Variants in CSMD2 observed in about 807,000 individuals in gnomAD.
CSMD2 encodes the protein CUB and sushi domain-containing protein 2.
Under a neutral mutation model 398.5 loss-of-function variants are expected in CSMD2, and 130 were observed. The observed-to-expected ratio is 0.33, with a 90% CI of 0.28 to 0.38. The LOEUF (loss-of-function observed/expected upper bound fraction) is 0.38. Among genes scored for constraint, CSMD2 ranks in the 10% least tolerant of loss-of-function variants. The pLI is 1.00. For missense variants in CSMD2, 3,829 were observed against 4,764.9 expected, an observed-to-expected ratio of 0.80 and a Z score of 5.78; for synonymous variants, 1,828 against 1,908.5, an observed-to-expected ratio of 0.96 and a Z score of 1.10.
At chr1:34,151,811 C>T in intron 1 of CSMD2, among the ~76,000 whole-genome samples, 2 of 107,522 alleles carry the variant, frequency 1.9e-5, no homozygotes, top group Non-Finnish European at 3.6e-5. Flanking sequence ...CTCCCTCCCT[C>T]CCTCCCCCCC....
At chr1:33,560,164 A>G (rs1243272604) in intron 53 of CSMD2, among the ~76,000 whole-genome samples, 1 of 152,112 alleles carries the variant, frequency 6.6e-6, no homozygotes, top group Non-Finnish European at 1.5e-5. Context: ...GCTATCCCCA[A>G]CATTGCAGGG....
chr1:33,858,532 CT>C (rs1284362932), intron 5 of CSMD2, among the ~76,000 whole-genome samples: 2 of 152,200 alleles, frequency 1.3e-5, no homozygotes, highest in Non-Finnish European at 2.9e-5. Flanking sequence ...TCTTTTCACG[CT>C]TCCAGGCTTC....
At chr1:34,011,238 C>T (rs1647289330) in intron 3 of CSMD2, among the ~76,000 whole-genome samples, 1 of 152,188 alleles carries the variant, frequency 6.6e-6, no homozygotes, top group Non-Finnish European at 1.5e-5. Flanking sequence ...TTACTACATG[C>T]TTCCCTTCTT....
At chr1:33,674,890 A>G (rs1644647044) in intron 25 of CSMD2, among the ~76,000 whole-genome samples, 1 of 152,260 alleles carries the variant, frequency 6.6e-6, no homozygotes, top group Non-Finnish European at 1.5e-5. Flanking sequence ...GGCAGAAAAA[A>G]AGATGTTCTT....
At chr1:33,796,218 C>A (rs1654931377) in intron 10 of CSMD2, among the ~76,000 whole-genome samples, 1 of 152,220 alleles carries the variant, frequency 6.6e-6, no homozygotes, top group Admixed American at 6.5e-5. Context: ...TTTCATCACT[C>A]CAAGAGCTGA....
intron 5 of CSMD2, among the ~76,000 whole-genome samples, chr1:33,881,360 T>C (rs1641229183): frequency 6.6e-6 from 1 of 152,160 alleles, no homozygotes; most frequent in African/African-American, 2.4e-5. Context: ...AACTGTTCTG[T>C]AGGAGAAAGG....
At position 33,766,809 on chromosome 1, in the gene CSMD2, A is replaced by G. The variant is rs72879520; in HGVS notation, c.1846+5760T>C. ...CAAAGTTGTTATCTTTAGAAAAGTG[A>G]AAGTAGATAAACATGAAATAGAGGC... On this transcript the variant is annotated intron_variant, in intron 13 of 70. Transcript: ENST00000373381. Among the ~76,000 whole-genome samples, 416 of 152,384 alleles carry G rather than the reference A, an allele frequency of 2.7e-3. 1 individual carries two copies. Among genetic ancestry groups the G allele is most frequent in the African/African-American group, 9.2e-3 (384 of 41,598 alleles).
In CSMD2 at chr1:33,519,762, A is replaced by G; in HGVS notation, c.10736+50T>C. 1 of 1,612,230 alleles carries G rather than the reference A, an allele frequency of 6.2e-7. No individual in the cohort carries two copies. ...GTCTGGTGCGGGGGGCCCTGGAGGG[A>G]GAGAGGGAGGCCTGCCTGATGCCCG... On this transcript the variant is annotated intron_variant, in intron 69 of 70. Transcript: ENST00000373381. This position sits in a 1 kb window ranked among gnomAD's most constrained non-coding sequence, Gnocchi z 5.6.
At chr1:34,152,769 G>A (rs1327112290) in intron 1 of CSMD2, among the ~76,000 whole-genome samples, 2 of 152,154 alleles carry the variant, frequency 1.3e-5, no homozygotes, top group East Asian at 1.9e-4. Flanking sequence ...AGTATATAAT[G>A]TAGTGGCATT....
At chr1:33,583,579 C>T (rs754241684) in intron 47 of CSMD2, 63 bp downstream of exon 47, 23 of 1,516,388 alleles carry the variant, frequency 1.5e-5, no homozygotes, top group Non-Finnish European at 1.9e-5. Flanking sequence ...ACAGACTCCT[C>T]GGGTTCTGGA....
At chr1:33,776,024 T>C (rs1220739196) in intron 12 of CSMD2, among the ~76,000 whole-genome samples, 1 of 152,158 alleles carries the variant, frequency 6.6e-6, no homozygotes, top group African/African-American at 2.4e-5. Flanking sequence ...TGTGTACTGA[T>C]GGGGCCAATA....
chr1:33,855,530 T>G (rs1639021770), intron 5 of CSMD2, among the ~76,000 whole-genome samples: 1 of 152,146 alleles, frequency 6.6e-6, no homozygotes, highest in Non-Finnish European at 1.5e-5. Context: ...TTGCCCTTAT[T>G]ACTTTTATAT....
intron 3 of CSMD2, among the ~76,000 whole-genome samples, chr1:33,979,889 T>C (rs1426523647): frequency 6.6e-6 from 1 of 152,226 alleles, no homozygotes; most frequent in Non-Finnish European, 1.5e-5. Flanking sequence ...TTTAGAGCAA[T>C]GCCAGGCATC....
intron 10 of CSMD2, chr1:33,804,841 G>C: frequency 2.8e-6 from 2 of 717,400 alleles, no homozygotes; most frequent in Middle Eastern, 2.3e-4. Flanking sequence ...CTTAGACTTT[G>C]AGTTTCCACA....
At chr1:33,586,721 C>T (rs1639103890) in intron 45 of CSMD2, 104 bp from the exon 46 acceptor site, 1 of 724,938 alleles carries the variant, frequency 1.4e-6, no homozygotes. Context: ...ATGTTCTGTT[C>T]AGACTTAAAT....
At chr1:34,101,399 G>T (rs1558388410) in intron 1 of CSMD2, among the ~76,000 whole-genome samples, 1 of 152,216 alleles carries the variant, frequency 6.6e-6, no homozygotes, top group Non-Finnish European at 1.5e-5. Flanking sequence ...CTTCCAAATA[G>T]CAGATGACTG....
At chr1:33,928,958 C>A (rs1478983800) in intron 4 of CSMD2, among the ~76,000 whole-genome samples, 2 of 152,216 alleles carry the variant, frequency 1.3e-5, no homozygotes, top group Non-Finnish European at 2.9e-5. Flanking sequence ...CTCCTTCCAG[C>A]TGCAGAATCA....
chr1:33,646,639 G>C lies in CSMD2; in HGVS notation c.4774+9C>G, dbSNP rs377328058. On this transcript the variant is annotated intron_variant, in intron 29 of 70. Transcript: ENST00000373381. ...TGTCCTCAGTACTCTCTGGCACCAG[G>C]GCCCTTACCTGTATAGTCAATGACG... The C allele has an allele frequency of 9.9e-6, 16 of 1,612,644 alleles. No individual in the cohort carries two copies. In the African/African-American group the frequency reaches 2.1e-4, roughly 22 times the overall value.
intron 48 of CSMD2, among the ~76,000 whole-genome samples, chr1:33,579,747 C>T (rs995197861): frequency 4.0e-5 from 6 of 151,092 alleles, no homozygotes; most frequent in Non-Finnish European, 7.4e-5. Flanking sequence ...AGCGTGATCT[C>T]GGCTCACTGC....
Sources: gnomAD v4.1 joint callset for allele counts (sites outside exome capture counted in the v4.1 genomes callset) on GRCh38, gnomAD v4.1.1 for gene constraint, Gnocchi (gnomAD v3.1) non-coding constraint, MANE v1.5 for transcripts, NCBI Gene and HGNC (gene_info 2026-07-23, HGNC 2026-07-21) for gene names.